The following WDR72 variants were observed in gnomAD, a reference collection of about 807,000 sequenced individuals.
The protein encoded by WDR72 is WD repeat domain 72.
A neutral mutation model predicts 124.2 loss-of-function variants in WDR72; 120 were observed. That is an observed-to-expected ratio of 0.97 (90% CI 0.83 to 1.12). The LOEUF (loss-of-function observed/expected upper bound fraction) is 1.12, where lower values mean the gene tolerates loss of function less well. Among genes scored for constraint, WDR72 ranks in the 50% most tolerant of loss-of-function variants. WDR72 has a pLI of 0.00. For missense variants in WDR72, 1,387 were observed against 1,278.8 expected (o/e 1.08, Z -1.29); for synonymous variants, 452 against 441.7 (o/e 1.02, Z -0.29).
At chr15:53,654,572 C>T (rs1009325156) in intron 14 of WDR72, among the ~76,000 whole-genome samples, 10 of 152,150 alleles carry the variant, frequency 6.6e-5, no homozygotes, top group Admixed American at 2.0e-4. Context: ...TGGGCCTTTG[C>T]GGTAGGTGCA....
At chr15:53,728,693 C>T (rs1337592359) in intron 2 of WDR72, among the ~76,000 whole-genome samples, 3 of 152,156 alleles carry the variant, frequency 2.0e-5, no homozygotes, top group African/African-American at 4.8e-5. Flanking sequence ...TTCACCACAC[C>T]TTTCTCTATG....
rs1177739464 is a variant in WDR72 at position 53,701,553 on chromosome 15, TCTCTCTCACACA to T, written c.1569+569_1569+580del. 1.8e-4 allele frequency among the ~76,000 whole-genome samples: 21 copies of T among 114,926 alleles called. No individual in the cohort carries two copies. The East Asian group carries it at 5.1e-3, about 28-fold the overall frequency. 75.4% of individuals were successfully genotyped at this position (114,926 alleles called of 152,430 possible). A position where few individuals can be genotyped will look rare whatever the true frequency, so the allele number is the denominator to read the frequency against. ...GAGACCCTGTCTCTCTCTCTCTCTC[TCTCTCTCACACA>T]CACACACACACACACACACACACAC... On this transcript the variant is annotated intron_variant, in intron 12 of 19. Transcript: ENST00000360509.
chr15:53,692,644 T>G (rs951648251), intron 13 of WDR72, among the ~76,000 whole-genome samples: 9 of 152,176 alleles, frequency 5.9e-5, no homozygotes, highest in Admixed American at 3.9e-4. Context: ...GTGTAAATAT[T>G]TCATAGCTAA....
At chr15:53,619,066 C>A (rs1216817192) in intron 14 of WDR72, among the ~76,000 whole-genome samples, 1 of 151,874 alleles carries the variant, frequency 6.6e-6, no homozygotes, top group African/African-American at 2.4e-5. Context: ...GCCAGATCTT[C>A]TATTTGGTTC....
intron 18 of WDR72, among the ~76,000 whole-genome samples, chr15:53,566,094 C>A (rs2140299363): frequency 6.6e-6 from 1 of 152,080 alleles, no homozygotes; most frequent in South Asian, 2.1e-4. Flanking sequence ...GCACGTATTA[C>A]ATGTCAGATT....
intron 13 of WDR72, among the ~76,000 whole-genome samples, chr15:53,692,280 C>T (rs540744306): frequency 1.3e-5 from 2 of 152,196 alleles, no homozygotes; most frequent in Admixed American, 1.3e-4. Context: ...AGGAGGGAAA[C>T]CATATGTGAT....
At chr15:53,703,522 T>A (rs2017248693) in intron 11 of WDR72, among the ~76,000 whole-genome samples, 1 of 151,796 alleles carries the variant, frequency 6.6e-6, no homozygotes, top group African/African-American at 2.4e-5. Flanking sequence ...TCTGAAAATT[T>A]AGGATAATAA....
chr15:53,630,764 G>T (rs1302515485), intron 14 of WDR72, among the ~76,000 whole-genome samples: 1 of 152,156 alleles, frequency 6.6e-6, no homozygotes, highest in Non-Finnish European at 1.5e-5. Flanking sequence ...TACTTATGGT[G>T]AAAAACCAAA....
chr15:53,702,289 C>T lies in WDR72; in HGVS notation c.1414G>A (p.Gly472Ser), dbSNP rs775904194. ...CTTTGGTCTAATTTCGAAGAGAGAC[C>T]ATGTGGATAGAGTAATGAAGTGACA... Reference protein sequence around the residue: ...QSVTSLLYPHGLSSKLDQSWM... With the variant: ...QSVTSLLYPHSLSSKLDQSWM... Residue 472 changes from glycine to serine, a missense_variant, in exon 12 of 20, where the codon GGT (glycine) becomes AGT (serine). By Grantham distance (56) the Gly-to-Ser change is moderately conservative. Coordinates refer to ENST00000360509, the MANE Select transcript of WDR72 (RefSeq NM_182758.4). 3.7e-6 allele frequency: 6 copies of T among 1,613,974 alleles called. No individual in the cohort carries two copies. Among genetic ancestry groups the T allele is most frequent in the Non-Finnish European group, 5.1e-6 (6 of 1,179,980 alleles).
At chr15:53,659,140 T>A (rs1036489874) in intron 14 of WDR72, among the ~76,000 whole-genome samples, 3 of 151,962 alleles carry the variant, frequency 2.0e-5, no homozygotes, top group Non-Finnish European at 4.4e-5. Flanking sequence ...TATAAAAGTT[T>A]CATTTTTATG....
intron 18 of WDR72, among the ~76,000 whole-genome samples, chr15:53,562,529 T>C (rs978958473): frequency 4.1e-4 from 63 of 151,942 alleles, no homozygotes; most frequent in African/African-American, 1.5e-3. Context: ...AACCAAGTTT[T>C]AAGAATCAGT....
At chr15:53,660,086 T>G (rs2015558788) in intron 14 of WDR72, among the ~76,000 whole-genome samples, 1 of 151,892 alleles carries the variant, frequency 6.6e-6, no homozygotes, top group African/African-American at 2.4e-5. Context: ...ACTAGAAAAA[T>G]AGTTCTATGC....
rs192767228 is a variant in WDR72, at chr15:53,620,159, A to T, written c.1963-3916T>A. ...TATGATTATAAATATGCACAAAATC[A>T]TATAAAAAATGGTCATTGAGGATTT... On this transcript the variant is annotated intron_variant, in intron 14 of 19. Transcript: ENST00000360509. Among the ~76,000 whole-genome samples, 6 of 152,170 alleles carry T rather than the reference A, an allele frequency of 3.9e-5. No homozygotes were observed. In the East Asian group the frequency reaches 9.6e-4, roughly 24 times the overall value.
Position 53,733,018 on chromosome 15 carries a change from C to G in WDR72, c.132G>C (p.Trp44Cys), listed in dbSNP as rs753838490. ...TGSQEGQLCL[W>C]NLSHELKISA... ...TAACCTTTAGTTCATGTGAGAGATT[C>G]CAGAGACAGAGCTGACCCTCTTGAC... Residue 44 changes from tryptophan (W) to cysteine (C), a missense_variant, in exon 2 of 20, where the codon TGG (tryptophan) becomes TGC (cysteine). Physicochemically the swap from Trp to Cys is radical, Grantham distance 215. Coordinates refer to ENST00000360509, the MANE Select transcript of WDR72 (RefSeq NM_182758.4). 1.9e-6 allele frequency: 3 copies of G among 1,613,924 alleles called. No individual in the cohort carries two copies. The highest frequency in any genetic ancestry group is 2.5e-6 in the Non-Finnish European group (3 of 1,179,970).
chr15:53,579,856 G>A (rs943513044), intron 18 of WDR72, among the ~76,000 whole-genome samples: 2 of 152,110 alleles, frequency 1.3e-5, no homozygotes, highest in African/African-American at 2.4e-5. Flanking sequence ...TCAAATGCCT[G>A]TAATAGAAAG....
chr15:53,703,163 C>T (rs1418315732), intron 11 of WDR72, among the ~76,000 whole-genome samples: 7 of 152,176 alleles, frequency 4.6e-5, no homozygotes, highest in Non-Finnish European at 4.4e-5. Context: ...ATCCACTTGC[C>T]TCAGCCTTCC....
intron 14 of WDR72, among the ~76,000 whole-genome samples, chr15:53,653,248 C>T (rs1051316225): frequency 7.2e-5 from 11 of 152,226 alleles, no homozygotes; most frequent in African/African-American, 1.9e-4. Flanking sequence ...ATGCCTTCCA[C>T]GTGCCAGATA....
chr15:53,753,295 T>C (rs2018818584), intron 1 of WDR72, among the ~76,000 whole-genome samples: 1 of 152,224 alleles, frequency 6.6e-6, no homozygotes, highest in African/African-American at 2.4e-5. Flanking sequence ...AATACAGGCC[T>C]ATATGGACAA....
chr15:53,659,349 C>T (rs184990656), intron 14 of WDR72, among the ~76,000 whole-genome samples: 7 of 152,244 alleles, frequency 4.6e-5, no homozygotes, highest in African/African-American at 1.7e-4. Context: ...GCACTCCCCA[C>T]CGGCACGTGC....
Sources: allele counts gnomAD v4.1 joint callset (sites outside exome capture counted in the v4.1 genomes callset), GRCh38; gene constraint gnomAD v4.1.1; transcripts MANE v1.5; gene names NCBI Gene and HGNC (gene_info 2026-07-23, HGNC 2026-07-21).